The following CTTNBP2 variants were observed in gnomAD, a reference collection of about 807,000 sequenced individuals.
CTTNBP2 encodes the protein cortactin-binding protein 2.
CTTNBP2 carries 108 observed loss-of-function variants against 156.9 expected under a neutral mutation model. The ratio of observed to expected loss-of-function variants is 0.69; its 90% CI spans 0.59 to 0.81. The LOEUF (loss-of-function observed/expected upper bound fraction) is 0.81. Among genes scored for constraint, CTTNBP2 ranks in the 30% least tolerant of loss-of-function variants. The pLI is 0.00. For missense variants in CTTNBP2, 1,924 were observed against 2,035.4 expected, an observed-to-expected ratio of 0.95 and a Z score of 1.05; for synonymous variants, 767 against 751.8, an observed-to-expected ratio of 1.02 and a Z score of -0.33.
chr7:117,863,545 C>G (rs1004487357), intron 1 of CTTNBP2, among the ~76,000 whole-genome samples: 2 of 152,172 alleles, frequency 1.3e-5, no homozygotes, highest in Admixed American at 1.3e-4. Context: ...TCAGTGAGTC[C>G]GAGGTGGGGC....
chr7:117,805,344 G>A (rs1799866454), intron 3 of CTTNBP2, among the ~76,000 whole-genome samples: 1 of 152,144 alleles, frequency 6.6e-6, no homozygotes, highest in Non-Finnish European at 1.5e-5. Context: ...GGAAGCCTGA[G>A]AAGCAGGAGA....
rs1299999839 is a variant in CTTNBP2 at position 117,777,822 on chromosome 7, ATAT to A, written c.2524-60_2524-58del. ...GATAACAACATTAATGTCAAGGAAA[ATAT>A]TATTGAAAGTTCACTTCTAAATGTT... On this transcript the variant is annotated intron_variant, in intron 7 of 22. Coordinates refer to ENST00000160373, the MANE Select transcript of CTTNBP2 (RefSeq NM_033427.3). The A allele has an allele frequency of 2.7e-6, 4 of 1,508,300 alleles. No individual in the cohort carries two copies. The African/African-American group carries it at 4.2e-5, about 16-fold the overall frequency. The allele number at this position is 1,508,300 out of a possible 1,614,324, so 93.4% of individuals were successfully genotyped here.
intron 16 of CTTNBP2, among the ~76,000 whole-genome samples, chr7:117,731,747 G>A (rs1201338955): frequency 6.6e-6 from 1 of 152,212 alleles, no homozygotes; most frequent in Non-Finnish European, 1.5e-5. Flanking sequence ...AAAGGAAGTC[G>A]GCGGGGGAAG....
intron 8 of CTTNBP2, among the ~76,000 whole-genome samples, chr7:117,768,233 C>T (rs1797604895): frequency 6.6e-6 from 1 of 151,926 alleles, no homozygotes; most frequent in South Asian, 2.1e-4. Context: ...TAAAATATAC[C>T]TATTTCCTTC....
intron 12 of CTTNBP2, among the ~76,000 whole-genome samples, chr7:117,748,808 C>G (rs1796475241): frequency 6.6e-6 from 1 of 152,122 alleles, no homozygotes. Flanking sequence ...GTGTTGCTTC[C>G]CCTGGCTCCA....
At chr7:117,873,308 C>A in intron 1 of CTTNBP2, 27 bp downstream of exon 1, 1 of 1,419,490 alleles carries the variant, frequency 7.0e-7, no homozygotes, top group Non-Finnish European at 9.2e-7. Context: ...TACACTAGCC[C>A]CGCGCCCGCC....
intron 12 of CTTNBP2, among the ~76,000 whole-genome samples, chr7:117,746,816 C>G (rs767377543): frequency 1.5e-4 from 23 of 152,080 alleles, no homozygotes; most frequent in Non-Finnish European, 2.6e-4. Flanking sequence ...GGATTACTTT[C>G]GCTTTGTCAA....
intron 3 of CTTNBP2, among the ~76,000 whole-genome samples, chr7:117,808,736 T>C (rs973046355): frequency 6.6e-6 from 1 of 152,212 alleles, no homozygotes; most frequent in African/African-American, 2.4e-5. Context: ...CTTTTAGATG[T>C]CTAAAGCTGC....
Position 117,792,315 on chromosome 7 carries a change from G to A in CTTNBP2, c.881C>T (p.Ser294Phe). 1 of 1,614,202 alleles carries A rather than the reference G, an allele frequency of 6.2e-7. No homozygotes were observed. Among genetic ancestry groups the A allele is most frequent in the Non-Finnish European group, 8.5e-7 (1 of 1,180,034 alleles). ...KTKDRRLVSI[S>F]VGTEGTVTRS... ...TGTCACAGTTCCTTCTGTTCCCACA[G>A]ATATGGAAACCAAACGCCTATCTTT... Residue 294 changes from serine (S) to phenylalanine (F), a missense_variant, in exon 4 of 23, where the codon TCT becomes TTT. Physicochemically the swap from Ser to Phe is radical, Grantham distance 155. Coordinates refer to ENST00000160373, the MANE Select transcript of CTTNBP2 (RefSeq NM_033427.3). This position sits in a 1 kb window ranked among gnomAD's most constrained non-coding sequence, Gnocchi z 4.2.
At chr7:117,811,494 G>T (rs1381698201) in intron 2 of CTTNBP2, among the ~76,000 whole-genome samples, 1 of 152,038 alleles carries the variant, frequency 6.6e-6, no homozygotes, top group African/African-American at 2.4e-5. Flanking sequence ...ATTAAGATGG[G>T]ATCTCACTTT....
At chr7:117,780,753 C>A (rs35838987) in intron 6 of CTTNBP2, among the ~76,000 whole-genome samples, 162 bp from the exon 7 acceptor site, 26,782 of 152,022 alleles carry the variant, frequency 0.18, 4,160 homozygotes, top group African/African-American at 0.42. Flanking sequence ...TATTACATGA[C>A]TACTGTTTTT....
chr7:117,802,309 C>T (rs999681383), intron 3 of CTTNBP2, among the ~76,000 whole-genome samples: 1 of 151,584 alleles, frequency 6.6e-6, no homozygotes, highest in African/African-American at 2.4e-5. Context: ...AAGAGCAAAA[C>T]TGGACCCACA....
chr7:117,726,929 A>G (rs1795124739), intron 17 of CTTNBP2, among the ~76,000 whole-genome samples: 1 of 152,152 alleles, frequency 6.6e-6, no homozygotes, highest in South Asian at 2.1e-4. Context: ...TAGCTTGCAA[A>G]TAGGGTAAAA....
intron 6 of CTTNBP2, 49 bp downstream of exon 6, chr7:117,782,811 TAA>T (rs767966193): frequency 6.0e-6 from 8 of 1,334,472 alleles, no homozygotes; most frequent in African/African-American, 4.4e-5. Flanking sequence ...GTGCAAATTA[TAA>T]AAAGAGGCTC....
At chr7:117,776,456 C>T (rs1382848290) in intron 8 of CTTNBP2, among the ~76,000 whole-genome samples, 3 of 152,148 alleles carry the variant, frequency 2.0e-5, no homozygotes, top group Non-Finnish European at 4.4e-5. Flanking sequence ...TCATTGAAGG[C>T]CCTGGGCCCT....
chr7:117,858,284 G>A (rs903198505), intron 2 of CTTNBP2, among the ~76,000 whole-genome samples: 2 of 152,142 alleles, frequency 1.3e-5, no homozygotes, highest in African/African-American at 4.8e-5. Flanking sequence ...GCAGAAGAAT[G>A]GCGTGAACCC....
chr7:117,858,227 G>A (rs557761500), intron 2 of CTTNBP2, among the ~76,000 whole-genome samples: 18 of 152,202 alleles, frequency 1.2e-4, no homozygotes, highest in African/African-American at 3.9e-4. Context: ...AAAATTAGCC[G>A]GGCATGGTGG....
chr7:117,778,410 C>A (rs894674875), intron 7 of CTTNBP2, among the ~76,000 whole-genome samples: 2 of 152,126 alleles, frequency 1.3e-5, no homozygotes, highest in Non-Finnish European at 2.9e-5. Flanking sequence ...TGTCTGTTTT[C>A]TAGAATATAT....
At chr7:117,813,558 C>T (rs776050852) in intron 2 of CTTNBP2, among the ~76,000 whole-genome samples, 2 of 152,080 alleles carry the variant, frequency 1.3e-5, no homozygotes, top group Non-Finnish European at 2.9e-5. Context: ...ATTTCAAGAC[C>T]ATGGCCCAAC....
Sources: gnomAD v4.1 joint callset for allele counts (sites outside exome capture counted in the v4.1 genomes callset) on GRCh38, gnomAD v4.1.1 for gene constraint, Gnocchi (gnomAD v3.1) non-coding constraint, MANE v1.5 for transcripts, NCBI Gene and HGNC (gene_info 2026-07-23, HGNC 2026-07-21) for gene names.